Variants in PALM2AKAP2 observed in about 807,000 individuals in gnomAD.
PALM2AKAP2 encodes PALM2-AKAP2 fusion protein.
PALM2AKAP2 carries 37 observed loss-of-function variants against 71.5 expected under a neutral mutation model. That is an observed-to-expected ratio of 0.52 (90% confidence interval 0.40 to 0.68). PALM2AKAP2 has a LOEUF of 0.68. Among genes scored for constraint, PALM2AKAP2 ranks in the 30% least tolerant of loss-of-function variants. The pLI is 0.00. For missense variants in PALM2AKAP2, 1,224 were observed against 1,191.8 expected (o/e 1.03, Z -0.40); for synonymous variants, 468 against 478.8 (o/e 0.98, Z 0.29).
chr9:110,137,961 A>C (rs767483282), exon 2 of PALM2AKAP2: 1 of 1,614,122 alleles, frequency 6.2e-7, no homozygotes, highest in South Asian at 1.1e-5. Flanking sequence ...CTCCTGGTGC[A>C]GAATGCCATT....
At position 110,097,259 on chromosome 9, in the gene PALM2AKAP2, A is replaced by G. The variant is rs1834870166; in HGVS notation, c.157-38868A>G. 2.0e-5 allele frequency among the ~76,000 whole-genome samples: 3 copies of G among 149,968 alleles called. No homozygotes were observed. In the South Asian group the frequency reaches 6.4e-4, roughly 32 times the overall value. On this transcript the variant is annotated intron_variant, in intron 1 of 3. Coordinates refer to ENST00000374525, the Ensembl canonical transcript of PALM2AKAP2. The stretch of plus-strand genomic sequence containing the variant: ...ACACAGCACATGTTTCAGAGAGCAC[A>G]GGGTTGGGGGTAAGGTCACAGATCA...
intron 1 of PALM2AKAP2, chr9:110,127,959 C>T (rs1186131033): frequency 1.3e-5 from 2 of 152,262 alleles, no homozygotes; most frequent in African/African-American, 4.8e-5. Context: ...TCGCACGGCC[C>T]AGGCTGAGAG....
At chr9:109,770,010 A>G (rs534485691) in intron 1 of PALM2AKAP2, among the ~76,000 whole-genome samples, 8 of 152,262 alleles carry the variant, frequency 5.3e-5, no homozygotes, top group Admixed American at 5.2e-4. Flanking sequence ...GCAGTAACCC[A>G]AGCCCAGAGA....
At chr9:109,950,289 T>C (rs1314430146) in intron 6 of PALM2AKAP2, among the ~76,000 whole-genome samples, 14 of 150,124 alleles carry the variant, frequency 9.3e-5, no homozygotes, top group Non-Finnish European at 7.4e-5. Flanking sequence ...CAAGACTCTG[T>C]CTCAAAAAAA....
chr9:109,658,974 C>A (rs116625306), intron 1 of PALM2AKAP2, among the ~76,000 whole-genome samples: 2,126 of 152,256 alleles, frequency 0.014, 64 homozygotes, highest in African/African-American at 0.049. Flanking sequence ...TTGTTTAACT[C>A]CATGTATCTC....
intron 1 of PALM2AKAP2, among the ~76,000 whole-genome samples, chr9:110,119,347 A>G (rs1564315342): frequency 6.6e-6 from 1 of 151,008 alleles, no homozygotes; most frequent in African/African-American, 2.4e-5. Flanking sequence ...ATCTCAAAAA[A>G]AAAAAAAAAA....
At chr9:110,074,446 T>C (rs551927689) in intron 1 of PALM2AKAP2, among the ~76,000 whole-genome samples, 95 of 152,282 alleles carry the variant, frequency 6.2e-4, no homozygotes, top group African/African-American at 2.2e-3. Context: ...AAGAACATCA[T>C]TGGGACCAAG....
chr9:109,765,179 C>A (rs1022665267), intron 1 of PALM2AKAP2, among the ~76,000 whole-genome samples: 2 of 152,132 alleles, frequency 1.3e-5, no homozygotes, highest in Non-Finnish European at 2.9e-5. Context: ...ATGTGGACAC[C>A]TAAGCTCCAC....
intron 1 of PALM2AKAP2, among the ~76,000 whole-genome samples, chr9:110,111,771 G>A (rs1835259765): frequency 6.6e-6 from 1 of 152,120 alleles, no homozygotes; most frequent in Admixed American, 6.6e-5. Flanking sequence ...AAAAATGGAA[G>A]GATGAACATT....
intron 1 of PALM2AKAP2, among the ~76,000 whole-genome samples, chr9:109,709,194 A>G (rs1030392653): frequency 2.0e-5 from 3 of 152,220 alleles, no homozygotes; most frequent in Non-Finnish European, 4.4e-5. Flanking sequence ...GCACTGTAGC[A>G]TGTTCCTTTT....
At chr9:109,791,446 G>C (rs1169659650) in intron 1 of PALM2AKAP2, among the ~76,000 whole-genome samples, 1 of 152,164 alleles carries the variant, frequency 6.6e-6, no homozygotes, top group Non-Finnish European at 1.5e-5. Context: ...GAAGCAGCCT[G>C]GCATGGCAGT....
intron 1 of PALM2AKAP2, among the ~76,000 whole-genome samples, chr9:109,685,346 A>G (rs1048366275): frequency 6.6e-6 from 1 of 152,192 alleles, no homozygotes; most frequent in Admixed American, 6.5e-5. Context: ...TACTTGCTGT[A>G]AAACTTTCTA....
intron 1 of PALM2AKAP2, among the ~76,000 whole-genome samples, chr9:109,711,696 C>T (rs1211747655): frequency 1.3e-5 from 2 of 152,156 alleles, no homozygotes; most frequent in Admixed American, 1.3e-4. Context: ...CTGTGAAAGT[C>T]GCCTTAAGAA....
chr9:109,875,814 G>C (rs1031929128), intron 2 of PALM2AKAP2, among the ~76,000 whole-genome samples: 5 of 152,150 alleles, frequency 3.3e-5, no homozygotes, highest in African/African-American at 1.2e-4. Flanking sequence ...CTTGCTTTTT[G>C]TTTTCCAAAG....
At chr9:109,742,014 T>A (rs1237688087) in intron 1 of PALM2AKAP2, among the ~76,000 whole-genome samples, 5 of 152,222 alleles carry the variant, frequency 3.3e-5, no homozygotes, top group Admixed American at 1.3e-4. Context: ...AATACACATG[T>A]GCATGCACAT....
At chr9:110,006,072 A>G (rs1314215257) in intron 6 of PALM2AKAP2, among the ~76,000 whole-genome samples, 1 of 152,170 alleles carries the variant, frequency 6.6e-6, no homozygotes, top group African/African-American at 2.4e-5. Flanking sequence ...AGATTAACCC[A>G]GTACCTCAGT....
At chr9:109,748,891 C>T (rs2118705829) in intron 1 of PALM2AKAP2, among the ~76,000 whole-genome samples, 2 of 152,278 alleles carry the variant, frequency 1.3e-5, no homozygotes, top group Admixed American at 1.3e-4. Flanking sequence ...TCCCTCTGTG[C>T]AAGGTTATGT....
At chr9:109,834,159 G>A (rs1015022696) in intron 1 of PALM2AKAP2, among the ~76,000 whole-genome samples, 2 of 152,232 alleles carry the variant, frequency 1.3e-5, no homozygotes, top group Non-Finnish European at 2.9e-5. Context: ...GTTGCAGTGA[G>A]CCAAGATCAC....
intron 1 of PALM2AKAP2, among the ~76,000 whole-genome samples, chr9:110,131,883 G>T (rs542054762): frequency 3.3e-5 from 5 of 152,238 alleles, no homozygotes; most frequent in Non-Finnish European, 5.9e-5. Flanking sequence ...ATGGGGAAAG[G>T]GGGACTGGAT....
Sources: gnomAD v4.1 joint callset for allele counts (sites outside exome capture counted in the v4.1 genomes callset) on GRCh38, gnomAD v4.1.1 for gene constraint, MANE v1.5 for transcripts, NCBI Gene and HGNC (gene_info 2026-07-23, HGNC 2026-07-21) for gene names.